The following PPTC7 variants were observed in gnomAD, a reference collection of about 807,000 sequenced individuals.
The protein encoded by PPTC7 is protein phosphatase PTC7 homolog.
A neutral mutation model predicts 30.8 loss-of-function variants in PPTC7; 6 were observed. The ratio of observed to expected loss-of-function variants is 0.19; its 90% CI spans 0.11 to 0.38. The LOEUF (loss-of-function observed/expected upper bound fraction) is 0.38, where lower values mean the gene tolerates loss of function less well. PPTC7 is among the 10% of genes least tolerant of loss of function. The pLI is 1.00. For synonymous variants in PPTC7, 163 were observed against 168.1 expected (o/e 0.97, Z 0.23); for missense variants, 218 against 404.8 (o/e 0.54, Z 3.96).
At chr12:110,566,020 A>G (rs1290015335) in intron 1 of PPTC7, among the ~76,000 whole-genome samples, 2 of 152,222 alleles carry the variant, frequency 1.3e-5, no homozygotes, top group African/African-American at 4.8e-5. Context: ...TCTGACTTAC[A>G]TGAATAAAGT....
intron 3 of PPTC7, among the ~76,000 whole-genome samples, chr12:110,543,015 C>T (rs1044809095): frequency 3.9e-5 from 6 of 152,142 alleles, no homozygotes; most frequent in Non-Finnish European, 5.9e-5. Context: ...TCTGATAATC[C>T]GCCTTAATCT....
chr12:110,571,346 C>CTAAA (rs972888308), intron 1 of PPTC7, among the ~76,000 whole-genome samples: 4 of 151,148 alleles, frequency 2.6e-5, no homozygotes, highest in Non-Finnish European at 5.9e-5. Flanking sequence ...TGGTAAGGAA[C>CTAAA]TAAAACAAGC....
chr12:110,582,520 G>A lies in PPTC7; in HGVS notation c.223+289C>T, dbSNP rs11065671. Among the ~76,000 whole-genome samples, 259 of 152,326 alleles carry A rather than the reference G, an allele frequency of 1.7e-3. 10 individuals are homozygous for A. The East Asian group carries it at 0.047, about 28-fold the overall frequency. ...AGGGCTGGCACGGCCGAGTGAGACC[G>A]AGAGTGTGGCTCTGGACTCGGACAG... On this transcript the variant is annotated intron_variant, in intron 1 of 5. Coordinates refer to ENST00000354300, the MANE Select transcript of PPTC7 (RefSeq NM_139283.2).
In PPTC7 at chr12:110,551,868, T is replaced by C; in HGVS notation, c.324A>G (p.Gly108=). 6.2e-7 allele frequency: 1 copy of C among 1,614,194 alleles called. No individual in the cohort carries two copies. The highest frequency in any genetic ancestry group is 8.5e-7 in the Non-Finnish European group (1 of 1,180,016). ...CAATGGGATTACTAGGTACGAACCG[T>C]CCTTCTTTTACTAAACGTTCACACG... ...MRTCERLVKE[G]RFVPSNPIGI... The change falls in exon 2 of 6, where the codon GGA becomes GGG. Residue 108 remains glycine (G), a synonymous_variant. Coordinates refer to ENST00000354300, the MANE Select transcript of PPTC7 (RefSeq NM_139283.2).
At chr12:110,545,436 T>C (rs1409235942) in intron 3 of PPTC7, among the ~76,000 whole-genome samples, 2 of 152,212 alleles carry the variant, frequency 1.3e-5, no homozygotes, top group Admixed American at 6.5e-5. Context: ...TTCTATTTGA[T>C]GCATGTAGTA....
At chr12:110,575,607 CAAAAAAA>C (rs55831249) in intron 1 of PPTC7, among the ~76,000 whole-genome samples, 5 of 26,520 alleles carry the variant, frequency 1.9e-4, no homozygotes, top group East Asian at 1.6e-3. Context: ...AACCCCACCT[CAAAAAAA>C]AAAAAAAAAA....
At chr12:110,538,891 C>A (rs1209999740) in intron 4 of PPTC7, among the ~76,000 whole-genome samples, 1 of 152,178 alleles carries the variant, frequency 6.6e-6, no homozygotes, top group Non-Finnish European at 1.5e-5. Context: ...GTCCCTTCTA[C>A]TCTCTATTCC....
At chr12:110,562,286 C>CAAAAAA (rs11319526) in intron 1 of PPTC7, among the ~76,000 whole-genome samples, 30 of 34,726 alleles carry the variant, frequency 8.6e-4, no homozygotes, top group Admixed American at 1.1e-3. Context: ...GACTCCATCT[C>CAAAAAA]AAAAAAAAAA....
chr12:110,572,123 T>G (rs138087771), intron 1 of PPTC7, among the ~76,000 whole-genome samples: 58 of 152,280 alleles, frequency 3.8e-4, no homozygotes, highest in African/African-American at 1.4e-3. Context: ...GTCAAAAAAC[T>G]TGCTAGATAA....
chr12:110,544,020 T>C (rs1252639847), intron 3 of PPTC7, among the ~76,000 whole-genome samples: 2 of 152,208 alleles, frequency 1.3e-5, no homozygotes, highest in African/African-American at 4.8e-5. Context: ...TACGGAGGCC[T>C]TGGGGTTCAG....
intron 3 of PPTC7, among the ~76,000 whole-genome samples, chr12:110,541,059 G>A (rs1463420063): frequency 6.6e-6 from 1 of 151,380 alleles, no homozygotes; most frequent in Admixed American, 6.6e-5. Context: ...ACAGGCGTGA[G>A]CCACTGCGCC....
intron 1 of PPTC7, among the ~76,000 whole-genome samples, chr12:110,577,392 T>G (rs2064599036): frequency 2.0e-5 from 3 of 152,074 alleles, no homozygotes; most frequent in Admixed American, 2.0e-4. Context: ...CAACAAGGAC[T>G]TCTTGAAAGA....
intron 3 of PPTC7, 55 bp downstream of exon 3, chr12:110,545,825 G>C: frequency 6.6e-7 from 1 of 1,516,290 alleles, no homozygotes; most frequent in Non-Finnish European, 9.1e-7. Context: ...GGACAGGAGG[G>C]GACTATGAAT....
At chr12:110,573,570 TA>T (rs2064557968) in intron 1 of PPTC7, among the ~76,000 whole-genome samples, 1 of 152,188 alleles carries the variant, frequency 6.6e-6, no homozygotes. Flanking sequence ...ACACAAAGGC[TA>T]GAGGGAACCA....
chr12:110,565,295 C>T (rs1287304549), intron 1 of PPTC7, among the ~76,000 whole-genome samples: 1 of 151,814 alleles, frequency 6.6e-6, no homozygotes, highest in East Asian at 1.9e-4. Flanking sequence ...CTCGCTCTGT[C>T]GCCCAGGCTG....
chr12:110,581,038 C>G (rs1205812241), intron 1 of PPTC7, among the ~76,000 whole-genome samples: 1 of 152,162 alleles, frequency 6.6e-6, no homozygotes, highest in Non-Finnish European at 1.5e-5. Flanking sequence ...GAGTGAGCCA[C>G]CACGCGCAGC....
chr12:110,543,788 A>G (rs2064283488), intron 3 of PPTC7, among the ~76,000 whole-genome samples: 1 of 152,190 alleles, frequency 6.6e-6, no homozygotes, highest in South Asian at 2.1e-4. Flanking sequence ...GCACTGAAAC[A>G]TGAGCTGAAA....
At chr12:110,577,505 T>C (rs2064599852) in intron 1 of PPTC7, among the ~76,000 whole-genome samples, 1 of 152,138 alleles carries the variant, frequency 6.6e-6, no homozygotes, top group South Asian at 2.1e-4. Context: ...AAAATGATCA[T>C]GACTGTTTGA....
rs2064187413 is a variant in PPTC7, at chr12:110,533,525, GA to G, written c.*3511del. 2.6e-5 allele frequency: 4 copies of G among 152,252 alleles called. No homozygotes were observed. The South Asian group carries it at 8.3e-4, about 32-fold the overall frequency. The allele number at this position is 152,252 out of a possible 1,614,324, so 9.4% of individuals were successfully genotyped here. On this transcript the variant is annotated 3_prime_UTR_variant, in exon 6 of 6. Transcript: ENST00000354300. ...TAGTTGAGAAGTTCAATTTTGCAAA[GA>G]ATTTAATTTTAAATAAATAGAATCC...
Sources: allele counts gnomAD v4.1 joint callset (sites outside exome capture counted in the v4.1 genomes callset), GRCh38; gene constraint gnomAD v4.1.1; transcripts MANE v1.5; gene names NCBI Gene and HGNC (gene_info 2026-07-23, HGNC 2026-07-21).